Variants in PCA3 observed in about 807,000 individuals in gnomAD.
PCA3 encodes the protein Differential Display code 3.
intron 2 of PCA3, chr9:76,784,320 G>C (rs1324194660): frequency 6.6e-6 from 1 of 152,188 alleles, no homozygotes; most frequent in Non-Finnish European, 1.5e-5. Flanking sequence ...TTACCAATGA[G>C]AGGAAAACAG....
At chr9:76,773,440 T>A (rs1435970567) in intron 2 of PCA3, among the ~76,000 whole-genome samples, 1 of 39,912 alleles carries the variant, frequency 2.5e-5, no homozygotes, top group African/African-American at 2.5e-4. Context: ...TAGTACATCT[T>A]TTTTTTTTTT....
At chr9:76,772,339 A>T (rs2053200974) in intron 2 of PCA3, among the ~76,000 whole-genome samples, 1 of 151,772 alleles carries the variant, frequency 6.6e-6, no homozygotes, top group Admixed American at 6.6e-5. Context: ...ATTTATTTTA[A>T]TTTTTTTTTT....
chr9:76,785,277 T>A (rs1470364984), intron 2 of PCA3: 1 of 152,224 alleles, frequency 6.6e-6, no homozygotes, highest in African/African-American at 2.4e-5. Flanking sequence ...TCTTACTTCA[T>A]GCAAAGAAGG....
chr9:76,768,536 C>T (rs1041645158), intron 2 of PCA3, among the ~76,000 whole-genome samples: 1 of 150,984 alleles, frequency 6.6e-6, no homozygotes, highest in African/African-American at 2.4e-5. Context: ...GCACCTAGAA[C>T]GTTCTCTGGG....
intron 2 of PCA3, among the ~76,000 whole-genome samples, chr9:76,781,813 T>C (rs992291436): frequency 1.3e-5 from 2 of 152,352 alleles, no homozygotes; most frequent in African/African-American, 4.8e-5. Flanking sequence ...TATTTCACCT[T>C]TCATCCTGCT....
At chr9:76,783,482 G>A (rs931688620) in intron 2 of PCA3, among the ~76,000 whole-genome samples, 1 of 152,156 alleles carries the variant, frequency 6.6e-6, no homozygotes, top group Non-Finnish European at 1.5e-5. Flanking sequence ...TCAAGAGAAT[G>A]GTGTGTGTCA....
intron 2 of PCA3, among the ~76,000 whole-genome samples, chr9:76,776,511 CTTTTTTCT>C (rs2053770097): frequency 7.4e-6 from 1 of 134,872 alleles, no homozygotes. Context: ...TTTTTTTTTT[CTTTTTTCT>C]TTTTTTTTTT....
chr9:76,770,300 C>T (rs2052949195), intron 2 of PCA3, among the ~76,000 whole-genome samples: 1 of 152,100 alleles, frequency 6.6e-6, no homozygotes, highest in Non-Finnish European at 1.5e-5. Flanking sequence ...TTCTAAGTTT[C>T]TCTGGACTTT....
At chr9:76,782,814 A>G (rs1044088014) in intron 2 of PCA3, 3 of 152,242 alleles carry the variant, frequency 2.0e-5, no homozygotes, top group African/African-American at 7.2e-5. Flanking sequence ...GAAAGACTAC[A>G]GACATCTCAA....
chr9:76,783,271 G>C lies in PCA3; in HGVS notation n.853-25312G>C, dbSNP rs141032529. On this transcript the variant is annotated intron_variant and non_coding_transcript_variant, in intron 2 of 5. Coordinates refer to ENST00000644657, the Ensembl canonical transcript of PCA3. ...CCTGCCTCAGCCTCCCAAGTAGCTG[G>C]GATTACAGGCATGCACCAGCACGCC... Among the ~76,000 whole-genome samples, 416 of 152,244 alleles carry C rather than the reference G, an allele frequency of 2.7e-3. 2 individuals carry two copies. The highest frequency in any genetic ancestry group is 9.6e-3 in the African/African-American group (398 of 41,538).
intron 2 of PCA3, among the ~76,000 whole-genome samples, chr9:76,768,910 A>G (rs1464429659): frequency 2.0e-5 from 3 of 152,204 alleles, no homozygotes; most frequent in Non-Finnish European, 4.4e-5. Flanking sequence ...GTACTTTATA[A>G]AAAATTTAAA....
chr9:76,784,009 C>T (rs2054706607), intron 2 of PCA3: 1 of 152,218 alleles, frequency 6.6e-6, no homozygotes, highest in Admixed American at 6.5e-5. Context: ...TTTTCTATTT[C>T]TTGCCTCGTA....
chr9:76,766,433 C>T (rs948525405), intron 2 of PCA3, among the ~76,000 whole-genome samples: 2 of 152,094 alleles, frequency 1.3e-5, no homozygotes, highest in East Asian at 1.9e-4. Flanking sequence ...ATGTCTTTAA[C>T]GATGCTTAAC....
intron 2 of PCA3, among the ~76,000 whole-genome samples, chr9:76,781,028 A>G (rs1324726157): frequency 2.0e-5 from 3 of 152,232 alleles, no homozygotes; most frequent in African/African-American, 7.2e-5. Context: ...CAGTCCATCA[A>G]CACATCCTAT....
intron 2 of PCA3, among the ~76,000 whole-genome samples, chr9:76,781,416 C>T (rs933747907): frequency 2.6e-5 from 4 of 152,150 alleles, no homozygotes; most frequent in Admixed American, 6.5e-5. Flanking sequence ...CTGAATGTGC[C>T]GACCTATTTC....
chr9:76,770,932 A>G (rs2053029016), intron 2 of PCA3, among the ~76,000 whole-genome samples: 2 of 152,174 alleles, frequency 1.3e-5, no homozygotes, highest in Non-Finnish European at 2.9e-5. Flanking sequence ...AAAAAATCTG[A>G]AAAAGAAGAA....
chr9:76,765,181 C>A (rs1000085782), intron 2 of PCA3, among the ~76,000 whole-genome samples: 1 of 152,068 alleles, frequency 6.6e-6, no homozygotes, highest in Non-Finnish European at 1.5e-5. Flanking sequence ...GAGCTGGAAC[C>A]AAGCTGGGAA....
At chr9:76,770,803 G>A (rs1429948425) in intron 2 of PCA3, among the ~76,000 whole-genome samples, 1 of 152,144 alleles carries the variant, frequency 6.6e-6, no homozygotes, top group African/African-American at 2.4e-5. Context: ...AGGGACAGTG[G>A]AGAAATCCAG....
rs1564272539 is a variant in PCA3 at position 76,774,455 on chromosome 9, T to TTTATTTATTTATTTATTTATTTA, written n.853-34126_853-34125insATTTATTTATTTATTTATTTATT. Among the ~76,000 whole-genome samples, 3 of 133,314 alleles carry TTTATTTATTTATTTATTTATTTA rather than the reference T, an allele frequency of 2.3e-5. 1 individual carries two copies. Among genetic ancestry groups the TTTATTTATTTATTTATTTATTTA allele is most frequent in the Non-Finnish European group, 1.6e-5 (1 of 61,050 alleles). 87.5% of individuals were successfully genotyped at this position (133,314 alleles called of 152,430 possible). On this transcript the variant is annotated intron_variant and non_coding_transcript_variant, in intron 2 of 5. Coordinates refer to ENST00000644657, the Ensembl canonical transcript of PCA3. ...TCCTGGCCTCCAGTTCAACCCTTTT[T>TTTATTTATTTATTTATTTATTTA]TTTTTTTTTTTTTTTTTTTTTTGAG...
Sources: allele counts gnomAD v4.1 joint callset (sites outside exome capture counted in the v4.1 genomes callset), GRCh38; gene constraint gnomAD v4.1.1; transcripts MANE v1.5; gene names NCBI Gene and HGNC (gene_info 2026-07-23, HGNC 2026-07-21).